SLX9: variants seen among roughly 807,000 people sequenced by gnomAD.
SLX9 encodes SLX9 ribosome biogenesis factor.
Under a neutral mutation model 20.8 loss-of-function variants are expected in SLX9, and 19 were observed. That is an observed-to-expected ratio of 0.91 (90% CI 0.64 to 1.34). The LOEUF is 1.34. SLX9 is among the 40% of genes most tolerant of loss of function. The pLI is 0.00. For synonymous variants in SLX9, 113 were observed against 137.1 expected (o/e 0.82, Z 1.23); for missense variants, 299 against 322.2 (o/e 0.93, Z 0.55).
At position 44,971,333 on chromosome 21, in the gene SLX9, G is replaced by A. The variant is rs1601421721; in HGVS notation, c.501-1864G>A. Among the ~76,000 whole-genome samples, 3 of 152,270 alleles carry A rather than the reference G, an allele frequency of 2.0e-5. No homozygotes were observed. In the East Asian group the frequency reaches 5.8e-4, roughly 29 times the overall value. Reference sequence around the variant, plus strand: ...CTGCCGGTGCTTGCCCTTGGCCCATGACGGTAACCGCCCAGCACTCTGTCC... The same window carrying A: ...CTGCCGGTGCTTGCCCTTGGCCCATAACGGTAACCGCCCAGCACTCTGTCC... On this transcript the variant is annotated intron_variant, in intron 4 of 5. Transcript: ENST00000291634.
rs796845176 is a variant in SLX9 at position 44,948,891 on chromosome 21, A to AGT, written c.283+5064_283+5065dup. ...ACTGGAGTCAGGCGTGGAGCGGTGA[A>AGT]GTGTGTGTGTGAGCAAGTGTGGGGT... is the stretch of plus-strand genomic sequence containing the variant. On this transcript the variant is annotated intron_variant, in intron 2 of 5. Transcript: ENST00000291634. Among the ~76,000 whole-genome samples the AGT allele has an allele frequency of 2.6e-5, 4 of 152,136 alleles. No homozygotes were observed. In the South Asian group the frequency reaches 6.2e-4, roughly 24 times the overall value.
intron 2 of SLX9, among the ~76,000 whole-genome samples, 158 bp downstream of exon 2, chr21:44,943,995 G>A (rs2084598291): frequency 6.6e-6 from 1 of 152,230 alleles, no homozygotes; most frequent in Non-Finnish European, 1.5e-5. Flanking sequence ...ATTCCCCAGA[G>A]TAGATTACAG....
intron 4 of SLX9, 22 bp from the exon 5 acceptor site, chr21:44,973,175 C>G: frequency 6.2e-7 from 1 of 1,612,688 alleles, no homozygotes; most frequent in Non-Finnish European, 8.5e-7. Flanking sequence ...TGCTGACTCA[C>G]GTGGCTTCTC....
chr21:44,974,847 C>G, intron 5 of SLX9, among the ~76,000 whole-genome samples: 1 of 152,366 alleles, frequency 6.6e-6, no homozygotes, highest in East Asian at 1.9e-4. Context: ...TGGCCTCCCT[C>G]TCCGCCTCTC....
intron 4 of SLX9, among the ~76,000 whole-genome samples, chr21:44,970,784 G>T (rs916712208): frequency 6.6e-5 from 10 of 152,194 alleles, no homozygotes; most frequent in Non-Finnish European, 1.5e-4. Flanking sequence ...TTCCCACCTA[G>T]TGGGGAGAAC....
At chr21:44,947,155 G>A (rs778652620) in intron 2 of SLX9, among the ~76,000 whole-genome samples, 4 of 152,230 alleles carry the variant, frequency 2.6e-5, no homozygotes, top group South Asian at 2.1e-4. Context: ...GGTGCCCTGC[G>A]TCCCTACCCC....
chr21:44,951,209 T>C (rs2084750867), intron 2 of SLX9, among the ~76,000 whole-genome samples: 1 of 152,092 alleles, frequency 6.6e-6, no homozygotes, highest in South Asian at 2.1e-4. Flanking sequence ...GATGAAACCG[T>C]GGCTGCTGCC....
chr21:44,953,369 G>C (rs2084794211), intron 2 of SLX9, among the ~76,000 whole-genome samples: 1 of 152,206 alleles, frequency 6.6e-6, no homozygotes, highest in Non-Finnish European at 1.5e-5. Flanking sequence ...AACCCACCAA[G>C]AGCTGCGAGT....
At chr21:44,975,879 G>C (rs948378305) in intron 5 of SLX9, among the ~76,000 whole-genome samples, 13 of 152,260 alleles carry the variant, frequency 8.5e-5, no homozygotes, top group African/African-American at 3.1e-4. Flanking sequence ...CCAGGCGGTC[G>C]TCCAGCGGGG....
At chr21:44,946,366 G>A (rs2146612898) in intron 2 of SLX9, among the ~76,000 whole-genome samples, 1 of 152,322 alleles carries the variant, frequency 6.6e-6, no homozygotes, top group Admixed American at 6.5e-5. Context: ...CAGTAGCGTG[G>A]CCCGTTCTGG....
At chr21:44,949,585 C>T (rs926439289) in intron 2 of SLX9, among the ~76,000 whole-genome samples, 2 of 152,140 alleles carry the variant, frequency 1.3e-5, no homozygotes, top group African/African-American at 2.4e-5. Context: ...TCTTAGACGC[C>T]GGGCACAGGG....
rs115184866 is a variant in SLX9 at position 44,967,996 on chromosome 21, C to T, written c.500+815C>T. Among the ~76,000 whole-genome samples the T allele has an allele frequency of 5.3e-3, 801 of 151,956 alleles. 7 individuals are homozygous for T. Among genetic ancestry groups the T allele is most frequent in the African/African-American group, 0.018 (762 of 41,216 alleles). On this transcript the variant is annotated intron_variant, in intron 4 of 5. Coordinates refer to ENST00000291634, the MANE Select transcript of SLX9 (RefSeq NM_058190.4). The stretch of plus-strand genomic sequence containing the variant: ...TGCTGGCATCACAGCGCCCCTCCCC[C>T]GCCCCCTGCTGAGAGCTGGGGTGGT...
intron 2 of SLX9, chr21:44,958,466 G>C (rs1478340778): frequency 1.3e-5 from 2 of 152,320 alleles, no homozygotes; most frequent in Non-Finnish European, 2.9e-5. Context: ...ACTTCACACT[G>C]TCCCCACCAC....
intron 2 of SLX9, among the ~76,000 whole-genome samples, chr21:44,951,256 C>T (rs954359984): frequency 4.6e-5 from 7 of 152,078 alleles, no homozygotes; most frequent in African/African-American, 1.7e-4. Context: ...CTCCTGGTGG[C>T]GCTGAAGCCC....
chr21:44,974,606 C>T (rs961227434), intron 5 of SLX9, among the ~76,000 whole-genome samples: 11 of 152,124 alleles, frequency 7.2e-5, no homozygotes, highest in Non-Finnish European at 1.3e-4. Flanking sequence ...TGCTCTGTGG[C>T]CCAGGCTGGA....
At chr21:44,939,995 G>T (rs1038583904), upstream of SLX9, 2 of 1,361,576 alleles carry the variant, frequency 1.5e-6, no homozygotes, top group Non-Finnish European at 1.9e-6. Context: ...TCCGCCGGGC[G>T]GCGAGAACGC....
chr21:44,941,317 T>G (rs2084543389), intron 1 of SLX9, among the ~76,000 whole-genome samples: 1 of 152,162 alleles, frequency 6.6e-6, no homozygotes, highest in Non-Finnish European at 1.5e-5. Context: ...TGTGGAAAAT[T>G]GGGCATTTTG....
At chr21:44,962,766 C>A (rs962493896) in intron 3 of SLX9, among the ~76,000 whole-genome samples, 5 of 152,110 alleles carry the variant, frequency 3.3e-5, no homozygotes, top group African/African-American at 1.2e-4. Flanking sequence ...AGTGGTTGTA[C>A]ACTCACACTC....
chr21:44,946,056 C>G (rs868604231), intron 2 of SLX9, among the ~76,000 whole-genome samples: 6 of 152,302 alleles, frequency 3.9e-5, no homozygotes, highest in African/African-American at 1.4e-4. Flanking sequence ...TTCGTAAGCT[C>G]AAACCTCATT....
Sources: allele counts gnomAD v4.1 joint callset (sites outside exome capture counted in the v4.1 genomes callset), GRCh38; gene constraint gnomAD v4.1.1; transcripts MANE v1.5; gene names NCBI Gene and HGNC (gene_info 2026-07-23, HGNC 2026-07-21).